Variants in CDH18 observed in about 807,000 individuals in gnomAD.
The protein encoded by CDH18 is cadherin-18.
Under a neutral mutation model 67.9 loss-of-function variants are expected in CDH18, and 31 were observed. That is an observed-to-expected ratio of 0.46 (90% CI 0.34 to 0.62). The LOEUF (loss-of-function observed/expected upper bound fraction) is 0.62. Ranked by LOEUF, CDH18 falls within the 20% of genes least tolerant of loss-of-function variation. CDH18 has a pLI of 0.01. For missense variants in CDH18, 890 were observed against 975.5 expected (o/e 0.91, Z 1.17); for synonymous variants, 362 against 347.2 (o/e 1.04, Z -0.48).
chr5:20,089,582 A>C (rs1372913269), intron 2 of CDH18, among the ~76,000 whole-genome samples: 3 of 152,136 alleles, frequency 2.0e-5, no homozygotes, highest in Non-Finnish European at 4.4e-5. Flanking sequence ...TTTACATTAA[A>C]ATATGTTAAA....
At chr5:20,545,952 T>C (rs900105165) in intron 1 of CDH18, among the ~76,000 whole-genome samples, 1 of 152,182 alleles carries the variant, frequency 6.6e-6, no homozygotes, top group Non-Finnish European at 1.5e-5. Context: ...TGTGAATGCA[T>C]GTAACTGAAC....
At chr5:19,810,767 AATCCTAGCACTTT>A (rs1239780966) in intron 3 of CDH18, among the ~76,000 whole-genome samples, 2 of 152,094 alleles carry the variant, frequency 1.3e-5, no homozygotes, top group Non-Finnish European at 2.9e-5. Flanking sequence ...TCACACTTGT[AATCCTAGCACTTT>A]GAGACTCTGA....
At chr5:20,152,811 T>C (rs1315753162) in intron 2 of CDH18, among the ~76,000 whole-genome samples, 2 of 152,146 alleles carry the variant, frequency 1.3e-5, no homozygotes, top group Non-Finnish European at 2.9e-5. Context: ...GTTGTAGGTT[T>C]CCAAAGGCTA....
At chr5:19,825,937 A>T (rs1299532038) in intron 3 of CDH18, among the ~76,000 whole-genome samples, 1 of 152,196 alleles carries the variant, frequency 6.6e-6, no homozygotes, top group African/African-American at 2.4e-5. Context: ...AATGAAGATC[A>T]TCAATGTTCA....
chr5:20,031,228 G>T (rs1336357203), intron 2 of CDH18, among the ~76,000 whole-genome samples: 2 of 152,006 alleles, frequency 1.3e-5, no homozygotes, highest in East Asian at 3.9e-4. Flanking sequence ...AAAAAAGGTG[G>T]CTACGGTTGG....
intron 2 of CDH18, among the ~76,000 whole-genome samples, chr5:20,219,006 A>T (rs1200889212): frequency 6.6e-6 from 1 of 152,022 alleles, no homozygotes; most frequent in East Asian, 1.9e-4. Context: ...ATTAGAAGAA[A>T]ATAAGTAACA....
At chr5:20,538,909 G>GTTTTTTTT (rs35247774) in intron 1 of CDH18, among the ~76,000 whole-genome samples, 7 of 118,732 alleles carry the variant, frequency 5.9e-5, no homozygotes, top group African/African-American at 2.3e-4. Flanking sequence ...TTTTTTTTTT[G>GTTTTTTTT]TTTTTTTTTT....
chr5:20,380,318 T>C (rs1211023934), intron 1 of CDH18, among the ~76,000 whole-genome samples: 2 of 152,188 alleles, frequency 1.3e-5, no homozygotes, highest in African/African-American at 4.8e-5. Context: ...ACTTCATTTC[T>C]CTCATTTATG....
At position 19,559,927 on chromosome 5, in the gene CDH18, A is replaced by AAC. The variant is rs1262214998; in HGVS notation, c.1253+11651_1253+11652insGT. ...TTTATAATAGTTGCAAAAACAAACAAAAAAAAAACTCAGGAATATATTTAA... is the reference window on the plus strand; with the variant it reads ...TTTATAATAGTTGCAAAAACAAACAAACAAAAAAAACTCAGGAATATATTTAA... On this transcript the variant is annotated intron_variant, in intron 8 of 12. Transcript: ENST00000382275. Among the ~76,000 whole-genome samples the AAC allele has an allele frequency of 7.5e-4, 114 of 151,294 alleles. 1 individual carries two copies. Among genetic ancestry groups the AAC allele is most frequent in the African/African-American group, 9.0e-4 (37 of 41,274 alleles).
chr5:20,384,219 T>C (rs1177468106), intron 1 of CDH18, among the ~76,000 whole-genome samples: 1 of 152,162 alleles, frequency 6.6e-6, no homozygotes, highest in Non-Finnish European at 1.5e-5. Flanking sequence ...CTTGTATAGC[T>C]GAACATTTCT....
intron 1 of CDH18, among the ~76,000 whole-genome samples, chr5:20,401,243 T>C (rs10066903): frequency 0.55 from 83,327 of 152,046 alleles, 23,256 homozygotes; most frequent in Middle Eastern, 0.62. Context: ...TTTATACTTA[T>C]GCTTAAGTAG....
intron 2 of CDH18, among the ~76,000 whole-genome samples, chr5:20,113,140 T>C (rs1330810357): frequency 6.6e-6 from 1 of 152,214 alleles, no homozygotes; most frequent in African/African-American, 2.4e-5. Context: ...TAGTAAATTG[T>C]AGTATTTTTA....
In CDH18 at chr5:20,288,966, G is replaced by A. The variant is rs370411101; in HGVS notation, c.-579-33461C>T. 4.9e-4 allele frequency among the ~76,000 whole-genome samples: 75 copies of A among 151,902 alleles called. 1 individual carries two copies. The highest frequency in any genetic ancestry group is 3.5e-3 in the South Asian group (17 of 4,832). On this transcript the variant is annotated intron_variant, in intron 1 of 14. Coordinates refer to the CDH18 transcript ENST00000507958. ...TTGGAATTTTAATTAGACTTTTAAC[G>A]AATTGTGATGTTATTTTTAGCAATG...
At chr5:20,308,278 C>T (rs1488802285) in intron 1 of CDH18, among the ~76,000 whole-genome samples, 1 of 151,932 alleles carries the variant, frequency 6.6e-6, no homozygotes, top group East Asian at 1.9e-4. Flanking sequence ...GGTGGTGGCT[C>T]ACGACTGTAA....
At chr5:19,960,629 G>GTATATATATACACGTA (rs1403048092) in intron 2 of CDH18, among the ~76,000 whole-genome samples, 1 of 128,476 alleles carries the variant, frequency 7.8e-6, no homozygotes, top group African/African-American at 3.5e-5. Flanking sequence ...ATATACACGT[G>GTATATATATACACGTA]TATATGTATA....
chr5:20,023,426 G>GTAGGCCA, intron 2 of CDH18, among the ~76,000 whole-genome samples: 1 of 151,810 alleles, frequency 6.6e-6, no homozygotes, highest in Non-Finnish European at 1.5e-5. Context: ...TTTATAGGCC[G>GTAGGCCA]AGGCGGGCGG....
At chr5:20,485,096 A>G (rs1011352786) in intron 1 of CDH18, among the ~76,000 whole-genome samples, 2 of 152,154 alleles carry the variant, frequency 1.3e-5, no homozygotes, top group African/African-American at 4.8e-5. Flanking sequence ...CCACTGGAAA[A>G]TAAGTGGAGC....
intron 2 of CDH18, among the ~76,000 whole-genome samples, chr5:20,219,259 A>C (rs900505981): frequency 1.1e-4 from 17 of 151,978 alleles, no homozygotes; most frequent in Non-Finnish European, 2.1e-4. Flanking sequence ...AGACTCATAC[A>C]ATCTACCAAA....
intron 1 of CDH18, among the ~76,000 whole-genome samples, chr5:20,530,775 A>T (rs1182160683): frequency 2.0e-5 from 3 of 152,112 alleles, no homozygotes; most frequent in Non-Finnish European, 2.9e-5. Context: ...ACTCAAAACC[A>T]TAAGAACCCT....
Sources: allele counts gnomAD v4.1 joint callset (sites outside exome capture counted in the v4.1 genomes callset), GRCh38; gene constraint gnomAD v4.1.1; transcripts MANE v1.5; gene names NCBI Gene and HGNC (gene_info 2026-07-23, HGNC 2026-07-21).